The following TMCC1 variants were observed in gnomAD, a reference collection of about 807,000 sequenced individuals.
TMCC1 encodes the protein transmembrane and coiled-coil domain family 1.
Under a neutral mutation model 52.4 loss-of-function variants are expected in TMCC1, and 15 were observed. The observed-to-expected ratio is 0.29, with a 90% CI of 0.19 to 0.44. TMCC1 has a LOEUF of 0.44. TMCC1 is among the 20% of genes least tolerant of loss of function. The pLI is 1.00. For synonymous variants in TMCC1, 279 were observed against 301.9 expected, an observed-to-expected ratio of 0.92 and a Z score of 0.79; for missense variants, 503 against 806.0, an observed-to-expected ratio of 0.62 and a Z score of 4.55.
chr3:129,756,431 T>C (rs1175718361), intron 4 of TMCC1, among the ~76,000 whole-genome samples: 2 of 152,210 alleles, frequency 1.3e-5, no homozygotes, highest in East Asian at 1.9e-4. Flanking sequence ...TGCTTTTTTT[T>C]TGAGACAGAA....
intron 4 of TMCC1, among the ~76,000 whole-genome samples, chr3:129,722,412 A>C (rs1410959801): frequency 6.6e-6 from 1 of 151,952 alleles, no homozygotes; most frequent in Non-Finnish European, 1.5e-5. Flanking sequence ...AGACACCCCG[A>C]CCCCATCTGT....
chr3:129,697,703 C>A (rs1241906089), intron 4 of TMCC1, among the ~76,000 whole-genome samples: 2 of 152,180 alleles, frequency 1.3e-5, no homozygotes, highest in Non-Finnish European at 2.9e-5. Flanking sequence ...CTGCCAGATA[C>A]TGTAAATAAT....
At chr3:129,761,917 G>A (rs1430043782) in intron 4 of TMCC1, among the ~76,000 whole-genome samples, 3 of 150,684 alleles carry the variant, frequency 2.0e-5, no homozygotes, top group Non-Finnish European at 3.0e-5. Context: ...CTTGAACCTG[G>A]GAGGCAGAGG....
chr3:129,813,859 G>A (rs947986894), intron 4 of TMCC1, among the ~76,000 whole-genome samples: 3 of 151,458 alleles, frequency 2.0e-5, no homozygotes, highest in Admixed American at 1.3e-4. Context: ...TTATTCTTAA[G>A]GAAATAGTAC....
intron 4 of TMCC1, among the ~76,000 whole-genome samples, chr3:129,705,740 CCG>C (rs2048176201): frequency 6.6e-6 from 1 of 151,184 alleles, no homozygotes; most frequent in African/African-American, 2.4e-5. Context: ...CTACAGGCGC[CCG>C]CCACCACGCC....
At position 129,707,098 on chromosome 3, in the gene TMCC1, C is replaced by T. The variant is rs59043866; in HGVS notation, c.577-35834G>A. Reference sequence around the variant, plus strand: ...TTTAGAAGTTGGTGATGAGAAAATACCCCTCATATACTGTTGCCATCTGTT... The same window carrying T: ...TTTAGAAGTTGGTGATGAGAAAATATCCCTCATATACTGTTGCCATCTGTT... On this transcript the variant is annotated intron_variant, in intron 4 of 6. Transcript: ENST00000393238. Among the ~76,000 whole-genome samples the T allele has an allele frequency of 3.6e-3, 550 of 152,258 alleles. 2 individuals carry two copies. Among genetic ancestry groups the T allele is most frequent in the African/African-American group, 0.012 (492 of 41,544 alleles).
At chr3:129,759,973 G>A (rs2053388064) in intron 4 of TMCC1, among the ~76,000 whole-genome samples, 1 of 151,182 alleles carries the variant, frequency 6.6e-6, no homozygotes, top group African/African-American at 2.4e-5. Context: ...CACCCGCCTC[G>A]GCCTCCCAAA....
At chr3:129,726,337 T>C (rs946424149) in intron 4 of TMCC1, among the ~76,000 whole-genome samples, 1 of 152,216 alleles carries the variant, frequency 6.6e-6, no homozygotes, top group Non-Finnish European at 1.5e-5. Flanking sequence ...TGCCCTCTAC[T>C]GACTTTTGAG....
chr3:129,833,393 AC>A (rs1488336246), intron 2 of TMCC1, among the ~76,000 whole-genome samples: 1 of 152,086 alleles, frequency 6.6e-6, no homozygotes, highest in Non-Finnish European at 1.5e-5. Flanking sequence ...CAACAGTGAC[AC>A]CCCATCTCTA....
chr3:129,793,679 G>A (rs1371013090), intron 4 of TMCC1, among the ~76,000 whole-genome samples: 1 of 152,142 alleles, frequency 6.6e-6, no homozygotes, highest in African/African-American at 2.4e-5. Flanking sequence ...TCTTAAATGC[G>A]TGCTTCACCT....
At chr3:129,735,697 C>T (rs571991007) in intron 4 of TMCC1, among the ~76,000 whole-genome samples, 5 of 147,868 alleles carry the variant, frequency 3.4e-5, no homozygotes, top group Admixed American at 1.4e-4. Context: ...AGATTTAATA[C>T]GTTTCAAAAG....
At chr3:129,827,438 T>C (rs940834570) in intron 4 of TMCC1, among the ~76,000 whole-genome samples, 2 of 152,220 alleles carry the variant, frequency 1.3e-5, no homozygotes, top group South Asian at 4.1e-4. Context: ...ATTCACTACA[T>C]TCATTAATGT....
intron 2 of TMCC1, among the ~76,000 whole-genome samples, chr3:129,875,255 G>C (rs2061139392): frequency 6.6e-6 from 1 of 151,482 alleles, no homozygotes; most frequent in South Asian, 2.1e-4. Flanking sequence ...GTGGGAGGCT[G>C]AGGCAGGTGA....
chr3:129,783,720 T>TC (rs2055733634), intron 4 of TMCC1, among the ~76,000 whole-genome samples: 1 of 152,208 alleles, frequency 6.6e-6, no homozygotes, highest in African/African-American at 2.4e-5. Context: ...GGAGGGTAAA[T>TC]AATCATTATG....
intron 4 of TMCC1, among the ~76,000 whole-genome samples, chr3:129,816,643 A>G (rs964363591): frequency 2.6e-5 from 4 of 152,176 alleles, no homozygotes; most frequent in African/African-American, 9.7e-5. Context: ...ACGGGGTCTG[A>G]TAGAAGAAAT....
intron 4 of TMCC1, among the ~76,000 whole-genome samples, chr3:129,817,254 A>C (rs1560479639): frequency 6.6e-6 from 1 of 152,178 alleles, no homozygotes; most frequent in Non-Finnish European, 1.5e-5. Context: ...AAACCAAAAC[A>C]ACCTTATTGA....
chr3:129,868,059 C>T (rs2060736271), intron 2 of TMCC1, among the ~76,000 whole-genome samples: 1 of 152,130 alleles, frequency 6.6e-6, no homozygotes, highest in East Asian at 1.9e-4. Context: ...TTAAGGCTCA[C>T]ATTCTAAGGA....
At chr3:129,779,504 T>C (rs374445672) in intron 4 of TMCC1, among the ~76,000 whole-genome samples, 72 of 152,314 alleles carry the variant, frequency 4.7e-4, no homozygotes, top group African/African-American at 1.5e-3. Context: ...GATACATTTA[T>C]GTGGTAGTTA....
intron 4 of TMCC1, among the ~76,000 whole-genome samples, chr3:129,772,276 G>A (rs899084209): frequency 1.3e-5 from 2 of 152,166 alleles, no homozygotes; most frequent in South Asian, 4.1e-4. Flanking sequence ...AAAGCCAGGA[G>A]GCTGAAGTGA....
Sources: gnomAD v4.1 joint callset for allele counts (sites outside exome capture counted in the v4.1 genomes callset) on GRCh38, gnomAD v4.1.1 for gene constraint, MANE v1.5 for transcripts, NCBI Gene and HGNC (gene_info 2026-07-23, HGNC 2026-07-21) for gene names.